Variants in FBH1 observed in about 807,000 individuals in gnomAD.
FBH1 encodes F-box DNA helicase 1, also known as DNA 3'-5' helicase 1.
FBH1 carries 43 observed loss-of-function variants against 115.5 expected under a neutral mutation model. The ratio of observed to expected loss-of-function variants is 0.37; its 90% CI spans 0.29 to 0.48. The LOEUF (loss-of-function observed/expected upper bound fraction) is 0.48. Among genes scored for constraint, FBH1 ranks in the 20% least tolerant of loss-of-function variants. The pLI, the probability that FBH1 is intolerant of heterozygous loss-of-function variation, is 0.99. For missense variants in FBH1, 1,001 were observed against 1,337.3 expected, an observed-to-expected ratio of 0.75 and a Z score of 3.92; for synonymous variants, 524 against 507.8, an observed-to-expected ratio of 1.03 and a Z score of -0.43.
At chr10:5,893,988 A>T (rs572661212) in intron 1 of FBH1, 1 of 985,428 alleles carries the variant, frequency 1.0e-6, no homozygotes, top group South Asian at 4.7e-5. Flanking sequence ...AAAAACATAG[A>T]ACGGAAAGCC....
Position 5,913,418 on chromosome 10 carries a change from C to T in FBH1, c.1212-329C>T, listed in dbSNP as rs576341327. ...TCTCAGTGCTAGGAGCAGTGTTTCC[C>T]TTTGCCTTCCACTGGTCCTTACAGT... On this transcript the variant is annotated intron_variant, in intron 6 of 20. Coordinates refer to ENST00000362091, the MANE Select transcript of FBH1 (RefSeq NM_178150.3). This position sits in a 1 kb window ranked among gnomAD's most constrained non-coding sequence, Gnocchi z 4.4. Among the ~76,000 whole-genome samples, 6 of 152,240 alleles carry T rather than the reference C, an allele frequency of 3.9e-5. No homozygotes were observed. The South Asian group carries it at 1.2e-3, about 32-fold the overall frequency.
At position 5,917,510 on chromosome 10, in the gene FBH1, A is replaced by AG; in HGVS notation, c.1876+5dup. On this transcript the variant is annotated splice_donor_region_variant and intron_variant, in intron 11 of 20. Coordinates refer to ENST00000362091, the MANE Select transcript of FBH1 (RefSeq NM_178150.3). The surrounding 1 kb of genome is among the most constrained non-coding windows in gnomAD (Gnocchi z 5.6). ...GGCGCACCAGATGACTCATGACGGT[A>AG]GGCGGCTGCCGAATGGCGGGGACTG... 2 of 1,614,202 alleles carry AG rather than the reference A, an allele frequency of 1.2e-6. No individual in the cohort carries two copies. The highest frequency in any genetic ancestry group is 1.7e-6 in the Non-Finnish European group (2 of 1,180,006).
chr10:5,930,703 G>C (rs1554811082), intron 19 of FBH1, among the ~76,000 whole-genome samples: 1 of 151,946 alleles, frequency 6.6e-6, no homozygotes, highest in African/African-American at 2.4e-5. Context: ...TGAAAAGAAA[G>C]AAAAAAAAAC....
rs1368058199 is a variant in FBH1 at position 5,918,595 on chromosome 10, C to T, written c.2100+117C>T. Reference sequence around the variant, plus strand: ...GATCTAGCAAATCCTTGCTTCTAAGCCATGGTTCTCAAAGTGTGGTTCTCA... The same window carrying T: ...GATCTAGCAAATCCTTGCTTCTAAGTCATGGTTCTCAAAGTGTGGTTCTCA... On this transcript the variant is annotated intron_variant, in intron 13 of 20. Transcript: ENST00000362091. This position sits in a 1 kb window ranked among gnomAD's most constrained non-coding sequence, Gnocchi z 4.0. The T allele has an allele frequency of 7.7e-6, 10 of 1,305,704 alleles. No individual in the cohort carries two copies. Among genetic ancestry groups the T allele is most frequent in the South Asian group, 1.7e-5 (1 of 57,632 alleles). 80.9% of individuals were successfully genotyped at this position (1,305,704 alleles called of 1,614,324 possible).
Position 5,914,399 on chromosome 10 carries a change from A to T in FBH1, c.1396+130A>T. On this transcript the variant is annotated intron_variant, in intron 8 of 20. Transcript: ENST00000362091. The surrounding 1 kb of genome is among the most constrained non-coding windows in gnomAD (Gnocchi z 5.2). ...CAACTAATAATTCAATAACAGATCA[A>T]ATAATCAATCTCAAAAGCAATTGGC... 1 of 763,138 alleles carries T rather than the reference A, an allele frequency of 1.3e-6. No individual in the cohort carries two copies. Among genetic ancestry groups the T allele is most frequent in the Non-Finnish European group, 2.2e-6 (1 of 453,348 alleles). The allele number at this position is 763,138 out of a possible 1,614,324, so 47.3% of individuals were successfully genotyped here. A position where few individuals can be genotyped will look rare whatever the true frequency, so the allele number is the denominator to read the frequency against.
At position 5,914,524 on chromosome 10, in the gene FBH1, G is replaced by A. The variant is rs576758990; in HGVS notation, c.1396+255G>A. 3.3e-5 allele frequency among the ~76,000 whole-genome samples: 5 copies of A among 152,346 alleles called. No homozygotes were observed. Among genetic ancestry groups the A allele is most frequent in the Admixed American group, 1.3e-4 (2 of 15,302 alleles). On this transcript the variant is annotated intron_variant, in intron 8 of 20. Coordinates refer to ENST00000362091, the MANE Select transcript of FBH1 (RefSeq NM_178150.3). The surrounding 1 kb of genome is among the most constrained non-coding windows in gnomAD (Gnocchi z 5.2). The stretch of plus-strand genomic sequence containing the variant: ...GTTAGTTGGTCGGGCAGATGCCCCC[G>A]GGATTGAGCCCAGCATTGTGATGTT...
In FBH1 at chr10:5,911,214, G is replaced by A. The variant is rs578056872; in HGVS notation, c.1211+86G>A. 3.7e-6 allele frequency: 5 copies of A among 1,362,874 alleles called. No homozygotes were observed. In the African/African-American group the frequency reaches 5.8e-5, roughly 16 times the overall value. The allele number at this position is 1,362,874 out of a possible 1,614,324, so 84.4% of individuals were successfully genotyped here. ...GCAGGTCCAGCCCTGCCACTTAGCAGTGTTAGCACCTGGCAGGCTGTGGGA... is the reference window on the plus strand; with the variant it reads ...GCAGGTCCAGCCCTGCCACTTAGCAATGTTAGCACCTGGCAGGCTGTGGGA... On this transcript the variant is annotated intron_variant, in intron 6 of 20. Transcript: ENST00000362091. The surrounding 1 kb of genome is among the most constrained non-coding windows in gnomAD (Gnocchi z 5.4).
At position 5,903,330 on chromosome 10, in the gene FBH1, A is replaced by G. The variant is rs541104434; in HGVS notation, c.157+155A>G. Among the ~76,000 whole-genome samples, 679 of 150,084 alleles carry G rather than the reference A, an allele frequency of 4.5e-3. 6 individuals carry two copies. Among genetic ancestry groups the G allele is most frequent in the African/African-American group, 0.016 (637 of 40,892 alleles). ...TTTTTTTATTGTGAGTTTTCCATGA[A>G]GTTTTTTTTTTTTTTTTGAGACGGA... On this transcript the variant is annotated intron_variant, in intron 2 of 20. Transcript: ENST00000362091.
In FBH1 at chr10:5,923,029, C is replaced by A. The variant is rs1832402629; in HGVS notation, c.2323-592C>A. Among the ~76,000 whole-genome samples, 1 of 152,102 alleles carries A rather than the reference C, an allele frequency of 6.6e-6. No individual in the cohort carries two copies. Among genetic ancestry groups the A allele is most frequent in the Admixed American group, 6.5e-5 (1 of 15,278 alleles). On this transcript the variant is annotated intron_variant, in intron 15 of 20. Transcript: ENST00000362091. This position sits in a 1 kb window ranked among gnomAD's most constrained non-coding sequence, Gnocchi z 5.7. ...TCCTGACTAGCTGGGACCATAGGCG[C>A]CTGCCACCACACCCGGCTAATTTTT...
chr10:5,930,715 G>A (rs1385278336), intron 19 of FBH1, among the ~76,000 whole-genome samples: 3 of 152,312 alleles, frequency 2.0e-5, no homozygotes, highest in East Asian at 1.9e-4. Flanking sequence ...AAAAAAAACA[G>A]TGGTTCATAC....
At chr10:5,891,859 C>G (rs999631407) in intron 1 of FBH1, among the ~76,000 whole-genome samples, 1 of 152,112 alleles carries the variant, frequency 6.6e-6, no homozygotes, top group Non-Finnish European at 1.5e-5. Flanking sequence ...GTAATTCACC[C>G]AGCTCGGCCT....
At chr10:5,894,062 A>T (rs923799019) in intron 1 of FBH1, 14 of 985,234 alleles carry the variant, frequency 1.4e-5, no homozygotes, top group South Asian at 4.7e-5. Flanking sequence ...GGTGTCTCAG[A>T]TGTGAGAGGA....
rs1462804891 is a variant in FBH1 at position 5,914,844 on chromosome 10, T to C, written c.1397-559T>C. On this transcript the variant is annotated intron_variant, in intron 8 of 20. Coordinates refer to ENST00000362091, the MANE Select transcript of FBH1 (RefSeq NM_178150.3). The surrounding 1 kb of genome is among the most constrained non-coding windows in gnomAD (Gnocchi z 5.2). ...CTCCTTTTGTGGCTAAATACCCTGC[T>C]AACAACAACAACAACATTTTGAATG... Among the ~76,000 whole-genome samples the C allele has an allele frequency of 6.6e-6, 1 of 152,194 alleles. No homozygotes were observed. Among genetic ancestry groups the C allele is most frequent in the Non-Finnish European group, 1.5e-5 (1 of 68,028 alleles).
In FBH1 at chr10:5,927,556, C is replaced by T. The variant is rs185804163; in HGVS notation, c.2829+15C>T. ...CTTTGGCTGGGGTAAGCAGAACGGG[C>T]AGCATGAGCTAACTTGATGCCATTG... On this transcript the variant is annotated intron_variant, in intron 19 of 20. Coordinates refer to ENST00000362091, the MANE Select transcript of FBH1 (RefSeq NM_178150.3). The T allele has an allele frequency of 4.3e-3, 6,935 of 1,595,666 alleles. 50 individuals carry two copies. Among genetic ancestry groups the T allele is most frequent in the South Asian group, 0.015 (1,318 of 89,778 alleles).
At chr10:5,894,157 T>A in intron 1 of FBH1, 3 of 985,418 alleles carry the variant, frequency 3.0e-6, no homozygotes, top group Middle Eastern at 5.2e-4. Context: ...CGTCAGTGAA[T>A]ACCTGGGAAA....
intron 18 of FBH1, among the ~76,000 whole-genome samples, chr10:5,926,149 C>G (rs915939766): frequency 6.6e-6 from 1 of 152,024 alleles, no homozygotes; most frequent in African/African-American, 2.4e-5. Context: ...GAGATGGAGT[C>G]TCACTCTGTC....
Position 5,924,220 on chromosome 10 carries a change from C to A in FBH1, c.2399-91C>A. 1 of 1,293,386 alleles carries A rather than the reference C, an allele frequency of 7.7e-7. No homozygotes were observed. Among genetic ancestry groups the A allele is most frequent in the Non-Finnish European group, 1.1e-6 (1 of 912,768 alleles). 80.1% of individuals were successfully genotyped at this position (1,293,386 alleles called of 1,614,324 possible). ...GGTCTCCCCACTTTAAGACCATCTG[C>A]TCTTGCGCAGCTGCTTAGGAACGTG... On this transcript the variant is annotated intron_variant, in intron 16 of 20. Coordinates refer to ENST00000362091, the MANE Select transcript of FBH1 (RefSeq NM_178150.3). The surrounding 1 kb of genome is among the most constrained non-coding windows in gnomAD (Gnocchi z 6.2).
chr10:5,914,319 T>G lies in FBH1; in HGVS notation c.1396+50T>G. The G allele has an allele frequency of 6.7e-7, 1 of 1,494,928 alleles. No homozygotes were observed. The highest frequency in any genetic ancestry group is 9.3e-7 in the Non-Finnish European group (1 of 1,071,488). The allele number at this position is 1,494,928 out of a possible 1,614,324, so 92.6% of individuals were successfully genotyped here. On this transcript the variant is annotated intron_variant, in intron 8 of 20. Coordinates refer to ENST00000362091, the MANE Select transcript of FBH1 (RefSeq NM_178150.3). The surrounding 1 kb of genome is among the most constrained non-coding windows in gnomAD (Gnocchi z 5.2). Reference sequence around the variant, plus strand: ...CGAGGTGGTGGTTTTCTGCCTTTTCTCCCTACATCCCCTTCCCGCTACCTG... The same window carrying G: ...CGAGGTGGTGGTTTTCTGCCTTTTCGCCCTACATCCCCTTCCCGCTACCTG...
rs1208844947 is a variant in FBH1 at position 5,906,398 on chromosome 10, C to T, written c.519C>T (p.Leu173=). The change falls in exon 3 of 21, where the codon CTC becomes CTT. Residue 173 remains leucine (L), a synonymous_variant. Transcript: ENST00000362091. The surrounding 1 kb of genome is among the most constrained non-coding windows in gnomAD (Gnocchi z 7.3). ...AAGCAGAGGACAGTACGTCTCGGCTCTCTGCGGAGTCTGGTGAAACCGACC... is the reference window on the plus strand; with the variant it reads ...AAGCAGAGGACAGTACGTCTCGGCTTTCTGCGGAGTCTGGTGAAACCGACC... ...RQEAEDSTSR[L]SAESGETDQD... 7 of 1,614,132 alleles carry T rather than the reference C, an allele frequency of 4.3e-6. No homozygotes were observed. Among genetic ancestry groups the T allele is most frequent in the Non-Finnish European group, 5.1e-6 (6 of 1,179,934 alleles).
Sources: allele counts gnomAD v4.1 joint callset (sites outside exome capture counted in the v4.1 genomes callset), GRCh38; gene constraint gnomAD v4.1.1; non-coding constraint Gnocchi (gnomAD v3.1); transcripts MANE v1.5; gene names NCBI Gene and HGNC (gene_info 2026-07-23, HGNC 2026-07-21).